KREMEN1: variants seen among roughly 807,000 people sequenced by gnomAD.
KREMEN1 encodes kringle containing transmembrane protein 1.
In KREMEN1, 30 loss-of-function variants were observed where a neutral mutation model predicts 46.5. That is an observed-to-expected ratio of 0.65 (90% CI 0.48 to 0.88). KREMEN1 has a LOEUF of 0.88. Ranked by LOEUF, KREMEN1 falls within the 40% of genes least tolerant of loss-of-function variation. The pLI is 0.00. For missense variants in KREMEN1, 533 were observed against 596.9 expected (o/e 0.89, Z 1.11); for synonymous variants, 214 against 230.6 (o/e 0.93, Z 0.65).
chr22:29,098,935 G>GA lies in KREMEN1; in HGVS notation c.335dup (p.Ile113AspfsTer27). On this transcript the variant is annotated frameshift_variant, in exon 3 of 9. Transcript: ENST00000400335. LOFTEE classifies it high-confidence loss of function. ...GGATGGTGTCTACTGGAAGTACTGT[G>GA]AGATACCTGCTTGCCAGAGTAAGAC... The GA allele has an allele frequency of 1.2e-6, 2 of 1,613,164 alleles. No homozygotes were observed. Among genetic ancestry groups the GA allele is most frequent in the African/African-American group, 2.7e-5 (2 of 75,042 alleles).
intron 2 of KREMEN1, among the ~76,000 whole-genome samples, chr22:29,098,380 A>G (rs1393195416): frequency 6.6e-6 from 1 of 152,226 alleles, no homozygotes; most frequent in Non-Finnish European, 1.5e-5. Context: ...AGATTTCCTT[A>G]GAATAAATTC....
rs2038740848 is a variant in KREMEN1, at chr22:29,140,311, C to T, written c.1153C>T (p.Leu385Phe). Residue 385 changes from leucine to phenylalanine, a missense_variant, in exon 8 of 9, where the codon CTC (leucine) becomes TTC (phenylalanine). Physicochemically the swap from Leu to Phe is conservative, Grantham distance 22. Coordinates refer to ENST00000400335, the MANE Select transcript of KREMEN1 (RefSeq NM_001039570.3). ...GACAGTCTATGGTCTGGCAACTCTC[C>T]TCATCCTCACAGTCACAGCCATTGT... Reference protein sequence around the residue: ...GWTVYGLATLLILTVTAIVAK... With the variant: ...GWTVYGLATLFILTVTAIVAK... 8.1e-6 allele frequency: 13 copies of T among 1,614,010 alleles called. No homozygotes were observed. Among genetic ancestry groups the T allele is most frequent in the Non-Finnish European group, 1.1e-5 (13 of 1,179,960 alleles).
In KREMEN1 at chr22:29,146,129, C is replaced by T. The variant is rs1298166809; in HGVS notation, c.*4017C>T. On this transcript the variant is annotated 3_prime_UTR_variant, in exon 9 of 9. Transcript: ENST00000400335. ...AGCTCCACACCCCACCACCTGGCAC[C>T]GTTAGGTTTCAGATCTCCCGTGTGG... The T allele has an allele frequency of 1.0e-5, 10 of 985,802 alleles. No homozygotes were observed. The South Asian group carries it at 2.3e-4, about 23-fold the overall frequency. 61.1% of individuals were successfully genotyped at this position (985,802 alleles called of 1,614,324 possible). A position where few individuals can be genotyped will look rare whatever the true frequency, so the allele number is the denominator to read the frequency against.
At chr22:29,160,539 C>CAAAAAAAAAAAAAAAA (rs132303) in intron 9 of KREMEN1, among the ~76,000 whole-genome samples, 7 of 103,492 alleles carry the variant, frequency 6.8e-5, no homozygotes, top group African/African-American at 2.5e-4. Context: ...GACTCCGTCT[C>CAAAAAAAAAAAAAAAA]AAAAAAAAAA....
chr22:29,074,431 A>G (rs1048291467), intron 1 of KREMEN1, among the ~76,000 whole-genome samples: 4 of 152,254 alleles, frequency 2.6e-5, no homozygotes, highest in Non-Finnish European at 5.9e-5. Context: ...GGCCAAGGCC[A>G]GGTCTTCCCG....
Position 29,143,768 on chromosome 22 carries a change from C to G in KREMEN1, c.*1656C>G, listed in dbSNP as rs2038808655. On this transcript the variant is annotated 3_prime_UTR_variant, in exon 9 of 9. Coordinates refer to ENST00000400335, the MANE Select transcript of KREMEN1 (RefSeq NM_001039570.3). ...AAAAAAAAAAAAACACTCCAAGGGC[C>G]ATCCGTGCTCTCTGCCCCTCCTGTG... 4 of 985,548 alleles carry G rather than the reference C, an allele frequency of 4.1e-6. No homozygotes were observed. Among genetic ancestry groups the G allele is most frequent in the Non-Finnish European group, 4.8e-6 (4 of 830,246 alleles). 61.1% of individuals were successfully genotyped at this position (985,548 alleles called of 1,614,324 possible).
intron 2 of KREMEN1, among the ~76,000 whole-genome samples, chr22:29,096,670 G>A (rs968668191): frequency 1.3e-5 from 2 of 152,166 alleles, no homozygotes; most frequent in Non-Finnish European, 2.9e-5. Flanking sequence ...TTTTGTTTTA[G>A]CACTGCAGCA....
rs570634758 is a variant in KREMEN1 at position 29,144,358 on chromosome 22, G to C, written c.*2246G>C. On this transcript the variant is annotated 3_prime_UTR_variant, in exon 9 of 9. Coordinates refer to ENST00000400335, the MANE Select transcript of KREMEN1 (RefSeq NM_001039570.3). ...GAGGTGCTTGGAGCTTCAGGCAGAG[G>C]GGCCTTCAGAGGAGGGAAACGGAGC... is the stretch of plus-strand genomic sequence containing the variant. The C allele has an allele frequency of 2.9e-5, 29 of 985,840 alleles. No individual in the cohort carries two copies. The South Asian group carries it at 1.2e-3, about 41-fold the overall frequency. 61.1% of individuals were successfully genotyped at this position (985,840 alleles called of 1,614,324 possible).
intron 3 of KREMEN1, among the ~76,000 whole-genome samples, chr22:29,117,309 T>C (rs2038255782): frequency 6.6e-6 from 1 of 152,196 alleles, no homozygotes; most frequent in Non-Finnish European, 1.5e-5. Context: ...AGCTCACGCC[T>C]GTAATCCCAG....
chr22:29,164,940 C>T (rs1052251598), intron 9 of KREMEN1, among the ~76,000 whole-genome samples: 8 of 151,770 alleles, frequency 5.3e-5, no homozygotes, highest in Admixed American at 2.6e-4. Context: ...TTTGGGAGGC[C>T]CAGGCAGGCG....
intron 3 of KREMEN1, among the ~76,000 whole-genome samples, chr22:29,112,341 A>G (rs1402027117): frequency 6.6e-6 from 1 of 152,112 alleles, no homozygotes; most frequent in Non-Finnish European, 1.5e-5. Context: ...AGCAGTAGTT[A>G]TGGGAGCAGA....
intron 9 of KREMEN1, among the ~76,000 whole-genome samples, chr22:29,162,293 G>A (rs890989322): frequency 5.9e-5 from 9 of 152,004 alleles, no homozygotes; most frequent in East Asian, 5.8e-4. Flanking sequence ...ACATCCTTTC[G>A]TGATAAAAAC....
downstream of KREMEN1, chr22:29,168,333 CAAA>C (rs60121498): frequency 8.6e-4 from 68 of 79,254 alleles, no homozygotes; most frequent in East Asian, 2.8e-3. Flanking sequence ...GACCCTGTCT[CAAA>C]AAAAAAAAAA....
chr22:29,157,487 G>A (rs1473328443), intron 9 of KREMEN1, among the ~76,000 whole-genome samples: 2 of 152,218 alleles, frequency 1.3e-5, no homozygotes, highest in East Asian at 3.8e-4. Flanking sequence ...ACAGGCATGT[G>A]CCACCACGCC....
chr22:29,088,940 G>A (rs73154228), intron 1 of KREMEN1, among the ~76,000 whole-genome samples: 2,528 of 152,210 alleles, frequency 0.017, 34 homozygotes, highest in Non-Finnish European at 0.027. Context: ...ATTGTTGCTA[G>A]AAGTTGTGTG....
At chr22:29,092,757 C>T (rs2037823600) in intron 1 of KREMEN1, among the ~76,000 whole-genome samples, 1 of 152,184 alleles carries the variant, frequency 6.6e-6, no homozygotes, top group Non-Finnish European at 1.5e-5. Context: ...GGGTGGATCA[C>T]TTGAGGTTGG....
intron 3 of KREMEN1, among the ~76,000 whole-genome samples, chr22:29,110,759 G>A (rs2038134746): frequency 6.6e-6 from 1 of 152,160 alleles, no homozygotes. Flanking sequence ...GGTAGTGTGG[G>A]GCCATATCAT....
intron 1 of KREMEN1, among the ~76,000 whole-genome samples, chr22:29,088,121 C>T (rs913750278): frequency 3.3e-5 from 5 of 151,946 alleles, no homozygotes; most frequent in African/African-American, 4.8e-5. Context: ...TTTCCCTTAC[C>T]GCTTATCCAT....
At chr22:29,088,306 T>TACACACACAC (rs199764170) in intron 1 of KREMEN1, among the ~76,000 whole-genome samples, 103 of 149,888 alleles carry the variant, frequency 6.9e-4, no homozygotes, top group East Asian at 2.6e-3. Context: ...CACGCGTGCA[T>TACACACACAC]ACACACACAC....
Sources: gnomAD v4.1 joint callset for allele counts (sites outside exome capture counted in the v4.1 genomes callset) on GRCh38, gnomAD v4.1.1 for gene constraint, MANE v1.5 for transcripts, NCBI Gene and HGNC (gene_info 2026-07-23, HGNC 2026-07-21) for gene names.